The following ERN1 variants were observed in gnomAD, a reference collection of about 807,000 sequenced individuals.
ERN1 encodes endoplasmic reticulum to nucleus signaling 1, also known as serine/threonine-protein kinase/endoribonuclease IRE1.
ERN1 carries 39 observed loss-of-function variants against 113.1 expected under a neutral mutation model. The ratio of observed to expected loss-of-function variants is 0.34; its 90% CI spans 0.27 to 0.45. ERN1 has a LOEUF of 0.45. Among genes scored for constraint, ERN1 ranks in the 20% least tolerant of loss-of-function variants. The probability of loss-of-function intolerance (pLI) is 1.00; values close to 1 mark genes in which losing one functional copy is unlikely to be tolerated. For missense variants in ERN1, 976 were observed against 1,274.8 expected, an observed-to-expected ratio of 0.77 and a Z score of 3.57; for synonymous variants, 507 against 515.9, an observed-to-expected ratio of 0.98 and a Z score of 0.23.
chr17:64,052,920 T>C lies in ERN1; in HGVS notation c.2113A>G (p.Ile705Val). ...CCAAAGTCGGAGATCATGGCCTTGA[T>C]CTTGCCGTGTGCATTGGGCATGGAT... ...LISMPNAHGK[I>V]KAMISDFGLC... The change falls in exon 17 of 22, where the codon ATC (isoleucine) becomes GTC (valine). Residue 705 changes from isoleucine (I) to valine (V), a missense_variant. Ile to Val is a conservative substitution (Grantham distance 29, BLOSUM62 3). Coordinates refer to ENST00000433197, the MANE Select transcript of ERN1 (RefSeq NM_001433.5). 1 of 1,613,848 alleles carries C rather than the reference T, an allele frequency of 6.2e-7. No homozygotes were observed. Among genetic ancestry groups the C allele is most frequent in the Non-Finnish European group, 8.5e-7 (1 of 1,179,842 alleles).
At chr17:64,121,407 T>C (rs1914951167) in intron 1 of ERN1, among the ~76,000 whole-genome samples, 1 of 152,196 alleles carries the variant, frequency 6.6e-6, no homozygotes. Flanking sequence ...CTAGGCGAGA[T>C]GTTACTGAAA....
chr17:64,128,161 A>ATT (rs760752335), intron 1 of ERN1, among the ~76,000 whole-genome samples: 4,650 of 126,306 alleles, frequency 0.037, 355 homozygotes, highest in African/African-American at 0.14. Context: ...CGCCCGGCTA[A>ATT]TTTTTTTTTT....
At chr17:64,078,646 G>A (rs1018290501) in intron 4 of ERN1, among the ~76,000 whole-genome samples, 1 of 152,110 alleles carries the variant, frequency 6.6e-6, no homozygotes, top group Non-Finnish European at 1.5e-5. Context: ...TGTGTTGTAG[G>A]GGGGTAGGAG....
rs555761054 is a variant in ERN1 at position 64,067,618 on chromosome 17, C to A, written c.580+572G>T. On this transcript the variant is annotated intron_variant, in intron 7 of 21. Coordinates refer to ENST00000433197, the MANE Select transcript of ERN1 (RefSeq NM_001433.5). ...GGAGAACTTGCCTCAAAAAAAAAAA[C>A]AACAAAAAAACACCCTGAAAGTCAG... 1.4e-4 allele frequency among the ~76,000 whole-genome samples: 20 copies of A among 138,180 alleles called. No homozygotes were observed. The South Asian group carries it at 1.9e-3, about 13-fold the overall frequency. 90.7% of individuals were successfully genotyped at this position (138,180 alleles called of 152,430 possible).
At chr17:64,080,480 A>G (rs1481169944) in intron 3 of ERN1, 1 of 341,876 alleles carries the variant, frequency 2.9e-6, no homozygotes, top group Non-Finnish European at 5.5e-6. Flanking sequence ...GATATGACAC[A>G]GCAAAGAGGA....
chr17:64,075,082 CG>C, intron 5 of ERN1, 92 bp downstream of exon 5: 1 of 1,027,670 alleles, frequency 9.7e-7, no homozygotes. Context: ...GTTGGCAAGG[CG>C]GTGACTGCGC....
chr17:64,118,108 C>T (rs566954412), intron 1 of ERN1, among the ~76,000 whole-genome samples: 2 of 152,246 alleles, frequency 1.3e-5, no homozygotes, highest in South Asian at 2.1e-4. Flanking sequence ...GAAAAAGAGG[C>T]GGCTGGGGGA....
At chr17:64,104,936 A>G (rs1914482211) in intron 1 of ERN1, among the ~76,000 whole-genome samples, 1 of 152,124 alleles carries the variant, frequency 6.6e-6, no homozygotes, top group Admixed American at 6.6e-5. Context: ...CCAGTGATCT[A>G]TACTTAACGA....
intron 2 of ERN1, among the ~76,000 whole-genome samples, chr17:64,091,201 C>CT (rs1314899802): frequency 2.6e-5 from 4 of 152,210 alleles, no homozygotes; most frequent in Non-Finnish European, 5.9e-5. Flanking sequence ...ATCTCCAACT[C>CT]TTCCAGAGTC....
intron 2 of ERN1, among the ~76,000 whole-genome samples, chr17:64,088,607 A>C (rs966870427): frequency 1.3e-5 from 2 of 152,172 alleles, no homozygotes; most frequent in African/African-American, 4.8e-5. Context: ...AACACATCTC[A>C]GAAACAACTG....
intron 5 of ERN1, among the ~76,000 whole-genome samples, chr17:64,072,690 G>A (rs924487339): frequency 1.3e-5 from 2 of 152,186 alleles, no homozygotes; most frequent in Non-Finnish European, 2.9e-5. Flanking sequence ...CCCTGGCCTC[G>A]GGCCATACCC....
chr17:64,047,845 C>A lies in ERN1; in HGVS notation c.2529+13G>T. 1 of 1,594,914 alleles carries A rather than the reference C, an allele frequency of 6.3e-7. No homozygotes were observed. The highest frequency in any genetic ancestry group is 8.5e-7 in the Non-Finnish European group (1 of 1,170,132). ...AAATGAAGACTCTGGATAAAGAGAA[C>A]AGACGTCTCTACCTGGAAGAACTGG... On this transcript the variant is annotated intron_variant, in intron 19 of 21. Transcript: ENST00000433197.
Position 64,042,409 on chromosome 17 carries a change from C to T in ERN1, c.*1579G>A, listed in dbSNP as rs1241403923. Reference sequence around the variant, plus strand: ...AGAATGAGAGCTTTTGATGAGTAACCATGATACAAATACACAAACAGAAAA... The same window carrying T: ...AGAATGAGAGCTTTTGATGAGTAACTATGATACAAATACACAAACAGAAAA... On this transcript the variant is annotated 3_prime_UTR_variant, in exon 22 of 22. Transcript: ENST00000433197. 1 of 152,156 alleles carries T rather than the reference C, an allele frequency of 6.6e-6. No homozygotes were observed. The highest frequency in any genetic ancestry group is 1.5e-5 in the Non-Finnish European group (1 of 68,028). 9.4% of individuals were successfully genotyped at this position (152,156 alleles called of 1,614,324 possible).
chr17:64,079,637 AC>A lies in ERN1; in HGVS notation c.282+24del, dbSNP rs1367109744. The A allele has an allele frequency of 3.8e-6, 6 of 1,594,000 alleles. No individual in the cohort carries two copies. In the African/African-American group the frequency reaches 8.0e-5, roughly 21 times the overall value. On this transcript the variant is annotated intron_variant, in intron 4 of 21. Transcript: ENST00000433197. ...ACCGCTGGTCTAGAACCCCTGGAGT[AC>A]AAAAAGCAGCTAAATATACTCACCG...
intron 1 of ERN1, among the ~76,000 whole-genome samples, chr17:64,115,905 T>G (rs1914791442): frequency 6.6e-6 from 1 of 152,188 alleles, no homozygotes; most frequent in Non-Finnish European, 1.5e-5. Flanking sequence ...CCTCAGGCTT[T>G]GCTGCAGCTT....
chr17:64,075,062 GA>G (rs1913544217), intron 5 of ERN1, 112 bp downstream of exon 5: 5 of 888,532 alleles, frequency 5.6e-6, no homozygotes, highest in Non-Finnish European at 9.1e-6. Context: ...CACAACCCAG[GA>G]AAGAAAGGGT....
intron 1 of ERN1, among the ~76,000 whole-genome samples, chr17:64,118,823 G>A (rs529386687): frequency 1.7e-3 from 260 of 152,316 alleles, no homozygotes; most frequent in African/African-American, 4.9e-3. Flanking sequence ...CTCAGGCAAT[G>A]AGGCTAATAG....
At chr17:64,080,860 A>G (rs565056178) in intron 2 of ERN1, 52 bp from the exon 3 acceptor site, 20 of 1,579,928 alleles carry the variant, frequency 1.3e-5, no homozygotes, top group Admixed American at 5.4e-5. Flanking sequence ...AAATGTCAAG[A>G]TTCCCAGAGG....
intron 1 of ERN1, among the ~76,000 whole-genome samples, chr17:64,110,755 TC>T (rs1325963865): frequency 3.9e-5 from 6 of 152,230 alleles, no homozygotes; most frequent in African/African-American, 1.4e-4. Context: ...TTCTGTAATT[TC>T]AGCATAGGTT....
Sources: allele counts gnomAD v4.1 joint callset (sites outside exome capture counted in the v4.1 genomes callset), GRCh38; gene constraint gnomAD v4.1.1; transcripts MANE v1.5; gene names NCBI Gene and HGNC (gene_info 2026-07-23, HGNC 2026-07-21).